The following USP15 variants were observed in gnomAD, a reference collection of about 807,000 sequenced individuals.
USP15 encodes ubiquitin specific peptidase 15, also known as ubiquitin carboxyl-terminal hydrolase 15.
Under a neutral mutation model 127.1 loss-of-function variants are expected in USP15, and 18 were observed. The ratio of observed to expected loss-of-function variants is 0.14; its 90% CI spans 0.10 to 0.21. The LOEUF is 0.21. Ranked by LOEUF, USP15 falls within the 10% of genes least tolerant of loss-of-function variation. The pLI is 1.00. For missense variants in USP15, 805 were observed against 1,159.9 expected (o/e 0.69, Z 4.44); for synonymous variants, 364 against 393.7 (o/e 0.92, Z 0.89).
chr12:62,354,206 T>C (rs1460816969), intron 7 of USP15, among the ~76,000 whole-genome samples: 2 of 151,798 alleles, frequency 1.3e-5, no homozygotes, highest in African/African-American at 4.8e-5. Context: ...CATAAACTTT[T>C]ATAATAATAA....
intron 11 of USP15, among the ~76,000 whole-genome samples, chr12:62,386,977 G>T (rs2067169329): frequency 6.6e-6 from 1 of 152,194 alleles, no homozygotes; most frequent in African/African-American, 2.4e-5. Context: ...ATGATGCCAA[G>T]TTTACTTGAC....
In USP15 at chr12:62,269,623, G is replaced by A. The variant is rs139371175; in HGVS notation, c.89+9120G>A. On this transcript the variant is annotated intron_variant, in intron 1 of 21. Transcript: ENST00000280377. ...TTTGTAGAAATGAGGATCTTGCTGT[G>A]TTGCCCAGGCTGGTCTTGAACTCCT... Among the ~76,000 whole-genome samples, 18 of 151,904 alleles carry A rather than the reference G, an allele frequency of 1.2e-4. 1 individual carries two copies. In the East Asian group the frequency reaches 1.7e-3, roughly 15 times the overall value.
chr12:62,396,500 T>A, intron 20 of USP15, 102 bp downstream of exon 20: 2 of 1,013,502 alleles, frequency 2.0e-6, no homozygotes, highest in Non-Finnish European at 3.0e-6. Context: ...AAATATCAGA[T>A]GTGTCTTGCA....
At chr12:62,305,822 T>G (rs2064469069) in intron 3 of USP15, 1 of 152,230 alleles carries the variant, frequency 6.6e-6, no homozygotes, top group Non-Finnish European at 1.5e-5. Context: ...TTGGTCTGTG[T>G]GGCCAATAGC....
rs1284461195 is a variant in USP15, at chr12:62,302,785, TGCAGA to T, written c.218-4_218del. The T allele has an allele frequency of 6.2e-7, 1 of 1,601,270 alleles. No individual in the cohort carries two copies. The highest frequency in any genetic ancestry group is 1.1e-5 in the South Asian group (1 of 89,512). ...TAGGTATTGAGTTTATTTTTTCTTT[TGCAGA>T]TGGTGATGCCCAGTCACTTAAGGAA... is the stretch of plus-strand genomic sequence containing the variant. On this transcript the variant is annotated splice_acceptor_variant and splice_polypyrimidine_tract_variant and coding_sequence_variant and intron_variant, in exon 3 of 22. Transcript: ENST00000280377. LOFTEE classifies it high-confidence loss of function.
chr12:62,343,371 C>T (rs4635136), intron 6 of USP15, among the ~76,000 whole-genome samples: 11,873 of 152,224 alleles, frequency 0.078, 587 homozygotes, highest in Middle Eastern at 0.16. Flanking sequence ...ACCCGCTGAG[C>T]GAGACCACTT....
In USP15 at chr12:62,413,625, C is replaced by T. The variant is rs2068087795; in HGVS notation, c.*9250C>T. 6.6e-6 allele frequency: 1 copy of T among 152,152 alleles called. No individual in the cohort carries two copies. The highest frequency in any genetic ancestry group is 2.4e-5 in the African/African-American group (1 of 41,436). The allele number at this position is 152,152 out of a possible 1,614,324, so 9.4% of individuals were successfully genotyped here. A position where few individuals can be genotyped will look rare whatever the true frequency, so the allele number is the denominator to read the frequency against. On this transcript the variant is annotated 3_prime_UTR_variant, in exon 22 of 22. Coordinates refer to ENST00000280377, the MANE Select transcript of USP15 (RefSeq NM_001252078.2). ...GCTTCAGACTTTTCTTCTGCAGCTTCCTTACCTTAGCCTCCATAGAATTGA... is the reference window on the plus strand; with the variant it reads ...GCTTCAGACTTTTCTTCTGCAGCTTTCTTACCTTAGCCTCCATAGAATTGA...
chr12:62,337,698 T>G (rs1479891016), intron 6 of USP15, among the ~76,000 whole-genome samples: 3 of 151,594 alleles, frequency 2.0e-5, no homozygotes, highest in Non-Finnish European at 4.4e-5. Context: ...GTTCTCATTG[T>G]TCAACTCCCA....
intron 8 of USP15, among the ~76,000 whole-genome samples, chr12:62,372,570 A>G (rs967254719): frequency 6.6e-6 from 1 of 152,120 alleles, no homozygotes; most frequent in South Asian, 2.1e-4. Flanking sequence ...CCTTTCCTGT[A>G]TGCCTTTGCA....
chr12:62,363,837 C>G (rs2066391759), intron 8 of USP15, among the ~76,000 whole-genome samples: 1 of 152,132 alleles, frequency 6.6e-6, no homozygotes, highest in South Asian at 2.1e-4. Flanking sequence ...TCACAAGTGT[C>G]TCTCTAGTTT....
At chr12:62,368,473 C>T (rs956612682) in intron 8 of USP15, among the ~76,000 whole-genome samples, 1 of 152,144 alleles carries the variant, frequency 6.6e-6, no homozygotes, top group Non-Finnish European at 1.5e-5. Context: ...TAAGAACTTG[C>T]TTTATGAATC....
intron 8 of USP15, among the ~76,000 whole-genome samples, chr12:62,366,432 A>G (rs974924774): frequency 6.6e-6 from 1 of 152,220 alleles, no homozygotes. Context: ...GTTGCTTATC[A>G]GGTTAAGGAG....
intron 6 of USP15, among the ~76,000 whole-genome samples, chr12:62,345,865 A>G (rs958515477): frequency 3.9e-5 from 6 of 152,140 alleles, no homozygotes; most frequent in African/African-American, 1.4e-4. Flanking sequence ...AGACCATCAG[A>G]TCTTGTGAGA....
At chr12:62,288,369 C>T (rs73135273) in intron 1 of USP15, among the ~76,000 whole-genome samples, 14,089 of 114,250 alleles carry the variant, frequency 0.12, 785 homozygotes, top group Middle Eastern at 0.22. Context: ...TTTTTGGTAG[C>T]TTTGGTAAAT....
intron 11 of USP15, 132 bp downstream of exon 11, chr12:62,384,434 A>G (rs1403564482): frequency 8.0e-6 from 6 of 746,898 alleles, no homozygotes; most frequent in Non-Finnish European, 1.2e-5. Flanking sequence ...AATAATGTTT[A>G]TTTGTATAAG....
At position 62,404,470 on chromosome 12, in the gene USP15, A is replaced by ACTTT; in HGVS notation, c.*95_*96insCTTT. On this transcript the variant is annotated 3_prime_UTR_variant, in exon 22 of 22. Coordinates refer to ENST00000280377, the MANE Select transcript of USP15 (RefSeq NM_001252078.2). ...CACCACATTAAAACAAAAGTCTGAGATGGGGAGTTTCAGATAACCGAATGT... is the reference window on the plus strand; with the variant it reads ...CACCACATTAAAACAAAAGTCTGAGACTTTTGGGGAGTTTCAGATAACCGAATGT... 7.1e-7 allele frequency: 1 copy of ACTTT among 1,410,012 alleles called. No homozygotes were observed. Among genetic ancestry groups the ACTTT allele is most frequent in the Non-Finnish European group, 9.3e-7 (1 of 1,075,356 alleles). The allele number at this position is 1,410,012 out of a possible 1,614,324, so 87.3% of individuals were successfully genotyped here. A position where few individuals can be genotyped will look rare whatever the true frequency, so the allele number is the denominator to read the frequency against.
At chr12:62,395,598 T>G (rs2067463550) in intron 19 of USP15, among the ~76,000 whole-genome samples, 1 of 145,202 alleles carries the variant, frequency 6.9e-6, no homozygotes, top group Admixed American at 6.9e-5. Context: ...TATTCATTCG[T>G]TTTTTTTTTT....
intron 8 of USP15, among the ~76,000 whole-genome samples, chr12:62,362,610 T>C (rs898633208): frequency 6.6e-6 from 1 of 152,172 alleles, no homozygotes; most frequent in Non-Finnish European, 1.5e-5. Context: ...ATTATCAAGC[T>C]GGGTAATTTT....
In USP15 at chr12:62,406,083, A is replaced by G. The variant is rs1043453663; in HGVS notation, c.*1708A>G. ...GTTTACATTTGAAATGTGCATGTTT[A>G]TTTATATAGATTTCAATAAAGCTAT... On this transcript the variant is annotated 3_prime_UTR_variant, in exon 22 of 22. Transcript: ENST00000280377. 1 of 147,710 alleles carries G rather than the reference A, an allele frequency of 6.8e-6. No homozygotes were observed. Among genetic ancestry groups the G allele is most frequent in the Non-Finnish European group, 1.5e-5 (1 of 66,946 alleles). 9.1% of individuals were successfully genotyped at this position (147,710 alleles called of 1,614,324 possible). A position where few individuals can be genotyped will look rare whatever the true frequency, so the allele number is the denominator to read the frequency against.
Sources: gnomAD v4.1 joint callset for allele counts (sites outside exome capture counted in the v4.1 genomes callset) on GRCh38, gnomAD v4.1.1 for gene constraint, MANE v1.5 for transcripts, NCBI Gene and HGNC (gene_info 2026-07-23, HGNC 2026-07-21) for gene names.